The following ELMO1 variants were observed in gnomAD, a reference collection of about 807,000 sequenced individuals.
ELMO1 encodes engulfment and cell motility 1, also known as engulfment and cell motility protein 1.
ELMO1 carries 26 observed loss-of-function variants against 98.9 expected under a neutral mutation model. That is an observed-to-expected ratio of 0.26 (90% CI 0.19 to 0.36). ELMO1 has a LOEUF of 0.36. Among genes scored for constraint, ELMO1 ranks in the 10% least tolerant of loss-of-function variants. ELMO1 has a pLI of 1.00. For synonymous variants in ELMO1, 346 were observed against 346.0 expected, an observed-to-expected ratio of 1.00 and a Z score of 0.00; for missense variants, 627 against 935.2, an observed-to-expected ratio of 0.67 and a Z score of 4.30.
chr7:37,427,177 C>T (rs935690605), intron 1 of ELMO1, among the ~76,000 whole-genome samples: 2 of 152,168 alleles, frequency 1.3e-5, no homozygotes, highest in African/African-American at 2.4e-5. Flanking sequence ...ACAGAAGGTG[C>T]GGAGATGACT....
intron 4 of ELMO1, among the ~76,000 whole-genome samples, chr7:37,291,917 T>G (rs1797700487): frequency 2.5e-5 from 2 of 81,276 alleles, no homozygotes; most frequent in African/African-American, 6.3e-5. Flanking sequence ...CTCTGCTCCC[T>G]CTCCCTCCCC....
At position 36,855,434 on chromosome 7, in the gene ELMO1, G is replaced by A. The variant is rs985166813; in HGVS notation, c.*117C>T. The A allele has an allele frequency of 3.0e-6, 4 of 1,315,166 alleles. No individual in the cohort carries two copies. The highest frequency in any genetic ancestry group is 1.8e-5 in the Admixed American group (1 of 55,614). The allele number at this position is 1,315,166 out of a possible 1,614,324, so 81.5% of individuals were successfully genotyped here. A position where few individuals can be genotyped will look rare whatever the true frequency, so the allele number is the denominator to read the frequency against. ...CTAGAGGTGATGCTGAAGGGAATGT[G>A]GACCCACAGCTTCCCTTTACCAAAG... On this transcript the variant is annotated 3_prime_UTR_variant, in exon 22 of 22. Transcript: ENST00000310758. This position sits in a 1 kb window ranked among gnomAD's most constrained non-coding sequence, Gnocchi z 4.2.
At chr7:37,331,691 G>A (rs1800134257) in intron 2 of ELMO1, among the ~76,000 whole-genome samples, 1 of 152,124 alleles carries the variant, frequency 6.6e-6, no homozygotes, top group South Asian at 2.1e-4. Flanking sequence ...CCAGAAGGAA[G>A]AGGTCCAGAG....
At chr7:37,160,415 A>G (rs1474085357) in intron 13 of ELMO1, among the ~76,000 whole-genome samples, 1 of 152,182 alleles carries the variant, frequency 6.6e-6, no homozygotes, top group African/African-American at 2.4e-5. Context: ...CATTCTGAAC[A>G]CATTGGTATG....
At chr7:37,304,843 G>A (rs1275027846) in intron 4 of ELMO1, among the ~76,000 whole-genome samples, 1 of 152,152 alleles carries the variant, frequency 6.6e-6, no homozygotes, top group African/African-American at 2.4e-5. Context: ...TTTGTTTTAA[G>A]TGGCTTGTTT....
At chr7:37,305,821 G>A (rs1413007330) in intron 4 of ELMO1, among the ~76,000 whole-genome samples, 1 of 152,216 alleles carries the variant, frequency 6.6e-6, no homozygotes, top group Non-Finnish European at 1.5e-5. Flanking sequence ...GAACCTTGCT[G>A]AGAGGAAAAC....
At chr7:37,042,474 C>A (rs1795575875) in intron 15 of ELMO1, among the ~76,000 whole-genome samples, 1 of 152,054 alleles carries the variant, frequency 6.6e-6, no homozygotes, top group African/African-American at 2.4e-5. Context: ...GCCCATCAGC[C>A]CAAAACAGAG....
chr7:36,910,052 T>G (rs1463437139), intron 16 of ELMO1, among the ~76,000 whole-genome samples: 2 of 152,152 alleles, frequency 1.3e-5, no homozygotes, highest in Non-Finnish European at 2.9e-5. Flanking sequence ...GAGGTGGGCA[T>G]AGATAACAGG....
chr7:37,407,439 C>A (rs1245383452), intron 1 of ELMO1, among the ~76,000 whole-genome samples: 1 of 148,472 alleles, frequency 6.7e-6, no homozygotes, highest in African/African-American at 2.5e-5. Flanking sequence ...AACCAGAAGG[C>A]GGAGGTTGCA....
rs1250678469 is a variant in ELMO1 at position 37,133,164 on chromosome 7, T to C, written c.1157A>G (p.Tyr386Cys). 4 of 1,612,910 alleles carry C rather than the reference T, an allele frequency of 2.5e-6. No individual in the cohort carries two copies. The highest frequency in any genetic ancestry group is 1.3e-5 in the African/African-American group (1 of 74,968). ...PGMLALDNML[Y>C]FAKHHQDAYI... ...GGCATCTTGGTGGTGCTTGGCAAAG[T>C]ACAGCATGTTGTCCAGAGCCAACAT... The change falls in exon 14 of 22, where the codon TAC becomes TGC. Residue 386 changes from tyrosine (Y) to cysteine (C), a missense_variant. Physicochemically the swap from Tyr to Cys is radical, Grantham distance 194. This residue lies in a region of ELMO1 where 492 missense variants were observed against 715.6 expected (regional missense o/e 0.69). Coordinates refer to ENST00000310758, the MANE Select transcript of ELMO1 (RefSeq NM_014800.11).
Position 37,131,948 on chromosome 7 carries a change from G to C in ELMO1, c.1191+1182C>G, listed in dbSNP as rs144374845. 4.7e-3 allele frequency among the ~76,000 whole-genome samples: 715 copies of C among 152,266 alleles called. 2 individuals carry two copies. Among genetic ancestry groups the C allele is most frequent in the African/African-American group, 0.017 (686 of 41,542 alleles). On this transcript the variant is annotated intron_variant, in intron 14 of 21. Coordinates refer to ENST00000310758, the MANE Select transcript of ELMO1 (RefSeq NM_014800.11). ...TATTCAAGGAGGTCACTGCTGGGTGGTACAGTTTTTCACTGTGCCGACGGT... is the reference window on the plus strand; with the variant it reads ...TATTCAAGGAGGTCACTGCTGGGTGCTACAGTTTTTCACTGTGCCGACGGT...
chr7:37,154,676 T>A (rs1035872009), intron 13 of ELMO1, among the ~76,000 whole-genome samples: 17 of 152,070 alleles, frequency 1.1e-4, no homozygotes, highest in African/African-American at 4.1e-4. Context: ...AAAGACCAAA[T>A]CTACATTTGA....
intron 1 of ELMO1, among the ~76,000 whole-genome samples, chr7:37,398,593 G>C (rs548721333): frequency 1.7e-4 from 26 of 152,188 alleles, no homozygotes; most frequent in African/African-American, 6.0e-4. Flanking sequence ...GGAAACTAAC[G>C]GGCTGAAGTT....
intron 16 of ELMO1, among the ~76,000 whole-genome samples, chr7:36,910,998 A>AT (rs1047059021): frequency 4.3e-4 from 66 of 152,062 alleles, no homozygotes; most frequent in Admixed American, 1.3e-3. Flanking sequence ...AAACGAGGGG[A>AT]TATCTATCTT....
intron 16 of ELMO1, among the ~76,000 whole-genome samples, chr7:37,000,107 C>T (rs563027323): frequency 2.0e-5 from 3 of 152,300 alleles, no homozygotes; most frequent in South Asian, 4.1e-4. Flanking sequence ...AAGCCAAGAA[C>T]CTTTTTCAAA....
At chr7:36,905,178 ATTT>A (rs1272905168) in intron 16 of ELMO1, among the ~76,000 whole-genome samples, 1 of 152,210 alleles carries the variant, frequency 6.6e-6, no homozygotes, top group African/African-American at 2.4e-5. Context: ...ATGGCTACAA[ATTT>A]TTAATAATCA....
chr7:37,230,942 C>T (rs767974620), intron 8 of ELMO1, among the ~76,000 whole-genome samples: 74 of 152,268 alleles, frequency 4.9e-4, no homozygotes, highest in Non-Finnish European at 8.8e-4. Context: ...ATGTCTTTGG[C>T]TTCTTTAGCA....
chr7:37,177,439 T>C (rs978041374), intron 13 of ELMO1, among the ~76,000 whole-genome samples: 3 of 152,224 alleles, frequency 2.0e-5, no homozygotes, highest in Admixed American at 6.5e-5. Context: ...ATTGGAAGCA[T>C]AGTAATTAGT....
At chr7:37,030,495 G>A (rs1035872866) in intron 15 of ELMO1, among the ~76,000 whole-genome samples, 5 of 151,960 alleles carry the variant, frequency 3.3e-5, no homozygotes, top group Admixed American at 6.6e-5. Flanking sequence ...TTAATATAAC[G>A]TACAATAAGA....
Sources: allele counts gnomAD v4.1 joint callset (sites outside exome capture counted in the v4.1 genomes callset), GRCh38; gene constraint gnomAD v4.1.1; regional missense constraint gnomAD v4.1.1; non-coding constraint Gnocchi (gnomAD v3.1); transcripts MANE v1.5; gene names NCBI Gene and HGNC (gene_info 2026-07-23, HGNC 2026-07-21).